Variants in APBB2 observed in about 807,000 individuals in gnomAD.
The protein encoded by APBB2 is amyloid beta precursor protein binding family B member 2, also known as Fe65-like 1.
Under a neutral mutation model 82.5 loss-of-function variants are expected in APBB2, and 38 were observed. That is an observed-to-expected ratio of 0.46 (90% CI 0.36 to 0.60). APBB2 has a LOEUF of 0.60. Ranked by LOEUF, APBB2 falls within the 20% of genes least tolerant of loss-of-function variation. The pLI is 0.00. For missense variants in APBB2, 772 were observed against 972.3 expected (o/e 0.79, Z 2.74); for synonymous variants, 341 against 368.2 (o/e 0.93, Z 0.85).
intron 17 of APBB2, among the ~76,000 whole-genome samples, chr4:40,821,537 C>T (rs1452410591): frequency 6.6e-6 from 1 of 152,162 alleles, no homozygotes; most frequent in East Asian, 1.9e-4. Context: ...TTTTAAAGTA[C>T]TGAATTGAAC....
At chr4:40,950,273 G>T (rs531551049) in intron 6 of APBB2, among the ~76,000 whole-genome samples, 5 of 152,316 alleles carry the variant, frequency 3.3e-5, no homozygotes, top group Admixed American at 3.3e-4. Flanking sequence ...TTTTAGAAAA[G>T]AAAATAGTAT....
At chr4:41,175,572 T>A (rs1045131066) in intron 1 of APBB2, among the ~76,000 whole-genome samples, 1 of 152,170 alleles carries the variant, frequency 6.6e-6, no homozygotes, top group African/African-American at 2.4e-5. Flanking sequence ...TCATTCCCTA[T>A]GGTCAGATAT....
At chr4:40,859,661 T>C (rs948687139) in intron 12 of APBB2, among the ~76,000 whole-genome samples, 2 of 152,216 alleles carry the variant, frequency 1.3e-5, no homozygotes, top group Non-Finnish European at 2.9e-5. Flanking sequence ...GCTCGAACCT[T>C]AAAACCACAC....
chr4:40,893,457 C>A, intron 10 of APBB2, 46 bp from the exon 11 acceptor site: 1 of 1,559,288 alleles, frequency 6.4e-7, no homozygotes, highest in South Asian at 1.2e-5. Context: ...ATGGTTTGGT[C>A]AATCATATCA....
chr4:40,820,033 T>C (rs1358127419), intron 17 of APBB2, among the ~76,000 whole-genome samples: 1 of 152,186 alleles, frequency 6.6e-6, no homozygotes, highest in East Asian at 1.9e-4. Flanking sequence ...TAACAGAGTT[T>C]AGGTTTCTGT....
chr4:41,036,996 G>A (rs1454145175), intron 4 of APBB2, among the ~76,000 whole-genome samples: 2 of 152,204 alleles, frequency 1.3e-5, no homozygotes, highest in African/African-American at 4.8e-5. Flanking sequence ...CAGCTGTGCT[G>A]TCCAATACAG....
intron 6 of APBB2, among the ~76,000 whole-genome samples, chr4:40,981,152 G>C (rs1415566219): frequency 3.9e-5 from 6 of 152,162 alleles, no homozygotes; most frequent in Non-Finnish European, 5.9e-5. Flanking sequence ...AAGAGAATCA[G>C]AATTAGCTTT....
At chr4:40,882,580 G>C (rs140125890) in intron 12 of APBB2, among the ~76,000 whole-genome samples, 1,802 of 152,328 alleles carry the variant, frequency 0.012, 19 homozygotes, top group Non-Finnish European at 0.015. Flanking sequence ...AGGAAGCAAA[G>C]GAGGGAGCAA....
At position 40,880,932 on chromosome 4, in the gene APBB2, G is replaced by T. The variant is rs932970149; in HGVS notation, c.1529+9432C>A. ...TGTCGCCTTCATAGATTCATGAACA[G>T]GGACAGGACCGCCATGAACGATCTG... On this transcript the variant is annotated intron_variant, in intron 12 of 17. Transcript: ENST00000508593. 6.1e-6 allele frequency: 6 copies of T among 980,262 alleles called. No individual in the cohort carries two copies. The African/African-American group carries it at 1.0e-4, about 17-fold the overall frequency. The allele number at this position is 980,262 out of a possible 1,614,324, so 60.7% of individuals were successfully genotyped here.
intron 10 of APBB2, among the ~76,000 whole-genome samples, chr4:40,908,910 G>C (rs1172309203): frequency 6.6e-6 from 1 of 152,244 alleles, no homozygotes; most frequent in Non-Finnish European, 1.5e-5. Context: ...GAGGCAAGGA[G>C]GCCTATGGAG....
chr4:41,141,654 A>G (rs1187339884), intron 2 of APBB2, among the ~76,000 whole-genome samples: 1 of 152,180 alleles, frequency 6.6e-6, no homozygotes, highest in East Asian at 1.9e-4. Context: ...CAGTTTACAA[A>G]AGAAAGAGGT....
rs181006370 is a variant in APBB2, at chr4:41,179,363, A to C, written c.-417+35042T>G. Among the ~76,000 whole-genome samples, 26 of 152,364 alleles carry C rather than the reference A, an allele frequency of 1.7e-4. 1 individual carries two copies. The highest frequency in any genetic ancestry group is 1.6e-3 in the Admixed American group (25 of 15,312). ...CCTAACATAAATCATATCAACATAT[A>C]TATCAATTTAAAAATATGTATAGAT... On this transcript the variant is annotated intron_variant, in intron 1 of 17. Transcript: ENST00000508593.
chr4:40,928,566 G>A (rs779032682), intron 10 of APBB2, among the ~76,000 whole-genome samples: 2 of 138,796 alleles, frequency 1.4e-5, no homozygotes, highest in African/African-American at 5.2e-5. Context: ...CAAGAAGAGC[G>A]ACACTCTGTC....
chr4:40,913,318 C>A (rs940477242), intron 10 of APBB2, among the ~76,000 whole-genome samples: 30 of 151,918 alleles, frequency 2.0e-4, no homozygotes, highest in Middle Eastern at 6.8e-3. Flanking sequence ...AATAAATAAA[C>A]AAGTGTATGG....
chr4:41,046,946 T>C (rs1723651983), intron 4 of APBB2, among the ~76,000 whole-genome samples: 1 of 152,258 alleles, frequency 6.6e-6, no homozygotes. Flanking sequence ...GGTTCAATTT[T>C]GTCACCTGTT....
chr4:40,959,503 A>T (rs921428055), intron 6 of APBB2, among the ~76,000 whole-genome samples: 2 of 152,106 alleles, frequency 1.3e-5, no homozygotes, highest in Non-Finnish European at 2.9e-5. Context: ...GCCTTGATCA[A>T]CTCCAACGTC....
chr4:40,979,790 A>G (rs1406111265), intron 6 of APBB2, among the ~76,000 whole-genome samples: 1 of 152,204 alleles, frequency 6.6e-6, no homozygotes, highest in East Asian at 1.9e-4. Context: ...AGAGGACCCC[A>G]TGTCTCAGAA....
intron 10 of APBB2, among the ~76,000 whole-genome samples, chr4:40,893,776 C>T (rs948831645): frequency 6.6e-6 from 1 of 151,402 alleles, no homozygotes. Context: ...GGGCTTGAGA[C>T]CAGCCTGGCC....
intron 12 of APBB2, among the ~76,000 whole-genome samples, chr4:40,854,802 A>AAAAAAAG (rs1399805765): frequency 6.6e-6 from 1 of 151,830 alleles, no homozygotes; most frequent in African/African-American, 2.4e-5. Context: ...AAAAAAAAAA[A>AAAAAAAG]AAAAAAAGAA....
Sources: gnomAD v4.1 joint callset for allele counts (sites outside exome capture counted in the v4.1 genomes callset) on GRCh38, gnomAD v4.1.1 for gene constraint, MANE v1.5 for transcripts, NCBI Gene and HGNC (gene_info 2026-07-23, HGNC 2026-07-21) for gene names.